Variants in SPIN1 observed in about 807,000 individuals in gnomAD.
SPIN1 encodes the protein spindlin-1.
A neutral mutation model predicts 26.0 loss-of-function variants in SPIN1; 3 were observed. That is an observed-to-expected ratio of 0.12 (90% confidence interval 0.05 to 0.30). The LOEUF is 0.30. SPIN1 is among the 10% of genes least tolerant of loss of function. SPIN1 has a pLI of 1.00. For missense variants in SPIN1, 126 were observed against 333.4 expected (o/e 0.38, Z 4.84); for synonymous variants, 101 against 116.5 (o/e 0.87, Z 0.86).
chr9:88,457,040 G>A (rs918141177), intron 3 of SPIN1, among the ~76,000 whole-genome samples: 4 of 152,162 alleles, frequency 2.6e-5, no homozygotes, highest in Admixed American at 2.0e-4. Flanking sequence ...AAGATGAAAA[G>A]TATGACAGGG....
chr9:88,419,512 A>G (rs1827633129), intron 1 of SPIN1, among the ~76,000 whole-genome samples: 1 of 152,066 alleles, frequency 6.6e-6, no homozygotes, highest in African/African-American at 2.4e-5. Context: ...TGCTGAGAAG[A>G]AAAAAAAGAA....
At chr9:88,393,348 A>G (rs564838596) in intron 1 of SPIN1, among the ~76,000 whole-genome samples, 1 of 151,682 alleles carries the variant, frequency 6.6e-6, no homozygotes, top group Non-Finnish European at 1.5e-5. Flanking sequence ...CCTGTCTGCA[A>G]ATGATTTAAC....
chr9:88,461,191 C>T (rs1212919675), intron 3 of SPIN1, among the ~76,000 whole-genome samples: 3 of 152,208 alleles, frequency 2.0e-5, no homozygotes, highest in Non-Finnish European at 4.4e-5. Flanking sequence ...CCCTGTGGTC[C>T]TGTCCTGGTC....
rs1828885864 is a variant in SPIN1 at position 88,476,145 on chromosome 9, C to T, written c.*868C>T. 1 of 151,814 alleles carries T rather than the reference C, an allele frequency of 6.6e-6. No homozygotes were observed. The highest frequency in any genetic ancestry group is 6.6e-5 in the Admixed American group (1 of 15,246). 9.4% of individuals were successfully genotyped at this position (151,814 alleles called of 1,614,324 possible). A position where few individuals can be genotyped will look rare whatever the true frequency, so the allele number is the denominator to read the frequency against. ...GCAAAGCCCAGGTTCTTGTTCCACA[C>T]AGTGTAATGTAGGTGTATTTTGGAC... On this transcript the variant is annotated 3_prime_UTR_variant, in exon 6 of 6. Transcript: ENST00000375859.
rs11320023 is a variant in SPIN1, at chr9:88,475,047, C to CTT, written c.590-9_590-8dup. Reference sequence around the variant, plus strand: ...TGACTTAGAAATTTTCTCTCTCTCTCTTTTTTTTTTTTTTTTTTTTTTTAA... The same window carrying CTT: ...TGACTTAGAAATTTTCTCTCTCTCTCTTTTTTTTTTTTTTTTTTTTTTTTTAA... On this transcript the variant is annotated intron_variant, in intron 5 of 5. Transcript: ENST00000375859. 2,091 of 840,100 alleles carry CTT rather than the reference C, an allele frequency of 2.5e-3. 5 individuals carry two copies. The highest frequency in any genetic ancestry group is 8.3e-3 in the South Asian group (276 of 33,242). The allele number at this position is 840,100 out of a possible 1,614,324, so 52.0% of individuals were successfully genotyped here.
At chr9:88,424,394 C>CT (rs1413154645) in intron 1 of SPIN1, among the ~76,000 whole-genome samples, 2 of 152,000 alleles carry the variant, frequency 1.3e-5, no homozygotes, top group African/African-American at 4.8e-5. Flanking sequence ...TGTTTAACCA[C>CT]TTTATGTTGT....
At chr9:88,446,641 C>T (rs184747049) in intron 2 of SPIN1, among the ~76,000 whole-genome samples, 27 of 152,192 alleles carry the variant, frequency 1.8e-4, no homozygotes, top group South Asian at 6.2e-4. Flanking sequence ...CTCCTGACCT[C>T]ATGTGATCCA....
intron 1 of SPIN1, among the ~76,000 whole-genome samples, chr9:88,400,047 C>T (rs1827153639): frequency 6.6e-6 from 1 of 152,128 alleles, no homozygotes; most frequent in Admixed American, 6.6e-5. Flanking sequence ...GAGAAGCAGC[C>T]TTTCCAACCC....
chr9:88,411,967 C>T (rs992502228), intron 1 of SPIN1, among the ~76,000 whole-genome samples: 2 of 150,740 alleles, frequency 1.3e-5, no homozygotes, highest in Non-Finnish European at 2.9e-5. Context: ...GTCAGGAGAT[C>T]GAGACCATCC....
At chr9:88,458,252 AAC>A (rs1828509604) in intron 3 of SPIN1, among the ~76,000 whole-genome samples, 1 of 152,250 alleles carries the variant, frequency 6.6e-6, no homozygotes, top group African/African-American at 2.4e-5. Context: ...ACAGGTAGAC[AAC>A]ACAGAACAAA....
chr9:88,466,793 A>G (rs1285829489), intron 4 of SPIN1, among the ~76,000 whole-genome samples: 2 of 152,140 alleles, frequency 1.3e-5, no homozygotes, highest in Non-Finnish European at 2.9e-5. Context: ...GCTGGAGTGC[A>G]GTGGCGCCAT....
intron 1 of SPIN1, among the ~76,000 whole-genome samples, chr9:88,401,530 T>C (rs1827186312): frequency 6.6e-6 from 1 of 152,246 alleles, no homozygotes; most frequent in Non-Finnish European, 1.5e-5. Context: ...CATATCTTTC[T>C]GTATACTTTA....
intron 1 of SPIN1, among the ~76,000 whole-genome samples, chr9:88,397,229 A>G (rs558649302): frequency 2.6e-5 from 4 of 152,256 alleles, no homozygotes; most frequent in African/African-American, 7.2e-5. Context: ...TTTTTAAATA[A>G]CACGTAGCTT....
At chr9:88,408,972 T>G (rs1827373911) in intron 1 of SPIN1, among the ~76,000 whole-genome samples, 1 of 133,158 alleles carries the variant, frequency 7.5e-6, no homozygotes, top group Non-Finnish European at 1.5e-5. Flanking sequence ...CTTTTGTGTT[T>G]GTGTGTGTTT....
At chr9:88,416,003 G>A (rs1341665300) in intron 1 of SPIN1, among the ~76,000 whole-genome samples, 4 of 149,952 alleles carry the variant, frequency 2.7e-5, no homozygotes, top group East Asian at 2.0e-4. Context: ...TGATCTGCCC[G>A]CCTTGGCCTT....
intron 2 of SPIN1, among the ~76,000 whole-genome samples, chr9:88,428,167 G>A (rs1275137528): frequency 6.6e-6 from 1 of 152,042 alleles, no homozygotes; most frequent in Admixed American, 6.6e-5. Flanking sequence ...AATTCAACAT[G>A]CATTCTTCTT....
intron 2 of SPIN1, among the ~76,000 whole-genome samples, chr9:88,431,767 G>C (rs1827877275): frequency 6.6e-6 from 1 of 152,120 alleles, no homozygotes; most frequent in Admixed American, 6.6e-5. Flanking sequence ...TAATCCTTTA[G>C]GTCAGGTACA....
At chr9:88,403,217 A>G (rs1226540811) in intron 1 of SPIN1, among the ~76,000 whole-genome samples, 11 of 152,110 alleles carry the variant, frequency 7.2e-5, no homozygotes, top group Non-Finnish European at 1.5e-4. Flanking sequence ...TGCACATATC[A>G]TTTCCCATTC....
intron 3 of SPIN1, among the ~76,000 whole-genome samples, chr9:88,451,848 A>G (rs1262544280): frequency 6.6e-6 from 1 of 152,226 alleles, no homozygotes; most frequent in Non-Finnish European, 1.5e-5. Flanking sequence ...GGCGTGAGCC[A>G]CCGTGCCCAG....
Sources: gnomAD v4.1 joint callset for allele counts (sites outside exome capture counted in the v4.1 genomes callset) on GRCh38, gnomAD v4.1.1 for gene constraint, MANE v1.5 for transcripts, NCBI Gene and HGNC (gene_info 2026-07-23, HGNC 2026-07-21) for gene names.